Variants in RAD54L2 observed in about 807,000 individuals in gnomAD.
RAD54L2 encodes the protein helicase ARIP4.
A neutral mutation model predicts 138.4 loss-of-function variants in RAD54L2; 27 were observed. The ratio of observed to expected loss-of-function variants is 0.20; its 90% CI spans 0.14 to 0.27. The LOEUF (loss-of-function observed/expected upper bound fraction) is 0.27. Among genes scored for constraint, RAD54L2 ranks in the 10% least tolerant of loss-of-function variants. RAD54L2 has a pLI of 1.00. For missense variants in RAD54L2, 1,396 were observed against 1,890.2 expected, an observed-to-expected ratio of 0.74 and a Z score of 4.85; for synonymous variants, 644 against 723.2, an observed-to-expected ratio of 0.89 and a Z score of 1.76.
At position 51,657,108 on chromosome 3, in the gene RAD54L2, A is replaced by G. The variant is rs569277568; in HGVS notation, c.3227-472A>G. ...AAAAATTTGAAACACATGAAAAGAAAAAGAGAGCGCCATATAATTCTATTA... is the reference window on the plus strand; with the variant it reads ...AAAAATTTGAAACACATGAAAAGAAGAAGAGAGCGCCATATAATTCTATTA... On this transcript the variant is annotated intron_variant, in intron 20 of 22. Coordinates refer to ENST00000684192, the MANE Select transcript of RAD54L2 (RefSeq NM_015106.4). Among the ~76,000 whole-genome samples the G allele has an allele frequency of 5.3e-5, 8 of 152,338 alleles. No homozygotes were observed. The South Asian group carries it at 1.0e-3, about 20-fold the overall frequency.
At chr3:51,562,287 A>G (rs1279111426) in intron 2 of RAD54L2, among the ~76,000 whole-genome samples, 1 of 151,880 alleles carries the variant, frequency 6.6e-6, no homozygotes, top group African/African-American at 2.4e-5. Context: ...GCTGGAGTGC[A>G]GTGGCGTGAT....
intron 21 of RAD54L2, 125 bp from the exon 22 acceptor site, chr3:51,659,901 G>A (rs1237966442): frequency 1.7e-6 from 1 of 591,290 alleles, no homozygotes; most frequent in African/African-American, 1.8e-5. Flanking sequence ...TATTTCAGGG[G>A]TCTTGGGAGA....
At chr3:51,596,232 T>C (rs987627697) in intron 3 of RAD54L2, among the ~76,000 whole-genome samples, 2 of 148,792 alleles carry the variant, frequency 1.3e-5, no homozygotes, top group Non-Finnish European at 3.0e-5. Context: ...CCGGCCTTAC[T>C]TCACTCTTTA....
intron 2 of RAD54L2, among the ~76,000 whole-genome samples, chr3:51,560,193 T>C (rs9826664): frequency 0.044 from 6,755 of 152,140 alleles, 496 homozygotes; most frequent in African/African-American, 0.15. Flanking sequence ...GGCATCTGGT[T>C]TTCAACCTGG....
chr3:51,632,317 G>A (rs1477900330), intron 7 of RAD54L2, among the ~76,000 whole-genome samples: 1 of 151,958 alleles, frequency 6.6e-6, no homozygotes, highest in African/African-American at 2.4e-5. Flanking sequence ...TTGTTGAGAC[G>A]AAGTCTCACT....
chr3:51,571,013 G>T (rs1339968833), intron 2 of RAD54L2, among the ~76,000 whole-genome samples: 2 of 151,866 alleles, frequency 1.3e-5, no homozygotes, highest in African/African-American at 4.8e-5. Flanking sequence ...TAAAGACGGG[G>T]TTTCACCATG....
At chr3:51,597,245 C>T (rs1699982617) in intron 3 of RAD54L2, among the ~76,000 whole-genome samples, 1 of 150,344 alleles carries the variant, frequency 6.7e-6, no homozygotes, top group Non-Finnish European at 1.5e-5. Context: ...AAGTCCAGGT[C>T]AGAAACTACA....
At chr3:51,609,698 T>TTGTGTGTGTGTGTGTG (rs5848928) in intron 3 of RAD54L2, among the ~76,000 whole-genome samples, 2 of 141,080 alleles carry the variant, frequency 1.4e-5, no homozygotes, top group African/African-American at 5.3e-5. Context: ...TTGTGGGCAT[T>TTGTGTGTGTGTGTGTG]TGTGTGTGTG....
At chr3:51,641,646 T>C in intron 14 of RAD54L2, 103 bp from the exon 15 acceptor site, 2 of 732,240 alleles carry the variant, frequency 2.7e-6, no homozygotes, top group Non-Finnish European at 4.6e-6. Context: ...TGGTAGGTTG[T>C]GGGAGCTCCC....
intron 3 of RAD54L2, among the ~76,000 whole-genome samples, chr3:51,605,652 A>C (rs1700165771): frequency 6.6e-6 from 1 of 151,834 alleles, no homozygotes; most frequent in African/African-American, 2.4e-5. Context: ...GGGTTTCACC[A>C]TGTTTGCTAG....
chr3:51,558,661 G>T (rs1369125991), intron 2 of RAD54L2, among the ~76,000 whole-genome samples: 1 of 152,002 alleles, frequency 6.6e-6, no homozygotes, highest in Non-Finnish European at 1.5e-5. Flanking sequence ...GTAGAGATGG[G>T]GGTCTTGCTA....
chr3:51,650,436 C>T (rs1364464132), intron 19 of RAD54L2, among the ~76,000 whole-genome samples: 2 of 152,162 alleles, frequency 1.3e-5, no homozygotes, highest in Admixed American at 1.3e-4. Context: ...CCAAGCAGAC[C>T]TAATAGACAT....
At position 51,637,543 on chromosome 3, in the gene RAD54L2, G is replaced by A; in HGVS notation, c.1682+40G>A. 6.4e-7 allele frequency: 1 copy of A among 1,561,816 alleles called. No individual in the cohort carries two copies. Among genetic ancestry groups the A allele is most frequent in the Non-Finnish European group, 8.7e-7 (1 of 1,149,830 alleles). Reference sequence around the variant, plus strand: ...GGGTCCTGCTTCCTGAATTTTCAGAGGGCCCTGTTGCCAAGGGCATGCCAA... The same window carrying A: ...GGGTCCTGCTTCCTGAATTTTCAGAAGGCCCTGTTGCCAAGGGCATGCCAA... On this transcript the variant is annotated intron_variant, in intron 11 of 22. Transcript: ENST00000684192. The surrounding 1 kb of genome is among the most constrained non-coding windows in gnomAD (Gnocchi z 5.9).
Position 51,633,722 on chromosome 3 carries a change from G to T in RAD54L2, c.971G>T (p.Arg324Leu), listed in dbSNP as rs755810370. 6.2e-7 allele frequency: 1 copy of T among 1,613,862 alleles called. No individual in the cohort carries two copies. Among genetic ancestry groups the T allele is most frequent in the Non-Finnish European group, 8.5e-7 (1 of 1,179,872 alleles). The part of the protein sequence containing the change: ...QVISFIDVLF[R>L]HTPAKTVLAI... ...ATCTCTTTCATCGACGTCCTCTTCC[G>T]CCACACGCCAGCCAAAACAGTCCTT... is the stretch of plus-strand genomic sequence containing the variant. Residue 324 changes from arginine (R) to leucine (L), a missense_variant, in exon 8 of 23, where the codon CGC (arginine) becomes CTC (leucine). Around this residue, in one of 7 missense-constraint regions of RAD54L2, gnomAD observed 169 missense variants for 235.6 expected, o/e 0.72. Transcript: ENST00000684192.
intron 19 of RAD54L2, among the ~76,000 whole-genome samples, chr3:51,648,651 A>G (rs1341386677): frequency 1.3e-5 from 2 of 152,148 alleles, no homozygotes. Context: ...TGCTGGTGAT[A>G]CTCAGGCAAA....
chr3:51,630,642 C>A, intron 6 of RAD54L2, 63 bp from the exon 7 acceptor site: 1 of 1,337,230 alleles, frequency 7.5e-7, no homozygotes, highest in Non-Finnish European at 1.1e-6. Flanking sequence ...TCTGCTCTGA[C>A]TGTGTGCAGT....
At chr3:51,659,980 G>A (rs1701716605) in intron 21 of RAD54L2, 46 bp from the exon 22 acceptor site, 4 of 1,459,810 alleles carry the variant, frequency 2.7e-6, no homozygotes, top group Admixed American at 1.9e-5. Context: ...AGGGTTGGCT[G>A]TATTATATGT....
rs1701591037 is a variant in RAD54L2, at chr3:51,656,036, T to A, written c.3092T>A (p.Ile1031Asn). Reference sequence around the variant, plus strand: ...GTTCGTCCTGTGCAGTCCACCCCCATCCCCATGATGCCCCGGCATGTCCCA... The same window carrying A: ...GTTCGTCCTGTGCAGTCCACCCCCAACCCCATGATGCCCCGGCATGTCCCA... ...ASVRPVQSTP[I>N]PMMPRHVPLG... The change falls in exon 20 of 23, where the codon ATC (isoleucine) becomes AAC (asparagine). Residue 1031 changes from isoleucine (I) to asparagine (N), a missense_variant. By Grantham distance (149) the Ile-to-Asn change is moderately radical. Coordinates refer to ENST00000684192, the MANE Select transcript of RAD54L2 (RefSeq NM_015106.4). The A allele has an allele frequency of 6.2e-7, 1 of 1,613,914 alleles. No homozygotes were observed. The highest frequency in any genetic ancestry group is 2.2e-5 in the East Asian group (1 of 44,876).
intron 2 of RAD54L2, among the ~76,000 whole-genome samples, chr3:51,564,208 A>G (rs1699162109): frequency 1.3e-5 from 2 of 152,208 alleles, no homozygotes; most frequent in African/African-American, 2.4e-5. Flanking sequence ...ATGAAGCAGT[A>G]TGTCTCTGCC....
Sources: allele counts gnomAD v4.1 joint callset (sites outside exome capture counted in the v4.1 genomes callset), GRCh38; gene constraint gnomAD v4.1.1; regional missense constraint gnomAD v4.1.1; non-coding constraint Gnocchi (gnomAD v3.1); transcripts MANE v1.5; gene names NCBI Gene and HGNC (gene_info 2026-07-23, HGNC 2026-07-21).